The following ITSN1 variants were observed in gnomAD, a reference collection of about 807,000 sequenced individuals.
ITSN1 encodes the protein intersectin 1.
A neutral mutation model predicts 239.8 loss-of-function variants in ITSN1; 58 were observed. The ratio of observed to expected loss-of-function variants is 0.24; its 90% CI spans 0.20 to 0.30. ITSN1 has a LOEUF of 0.30. Among genes scored for constraint, ITSN1 ranks in the 10% least tolerant of loss-of-function variants. The probability of loss-of-function intolerance (pLI) is 1.00; values close to 1 mark genes in which losing one functional copy is unlikely to be tolerated. For synonymous variants in ITSN1, 780 were observed against 770.8 expected (o/e 1.01, Z -0.20); for missense variants, 1,558 against 2,103.3 (o/e 0.74, Z 5.07).
chr21:33,669,266 A>G (rs1032026900), intron 1 of ITSN1, among the ~76,000 whole-genome samples: 1 of 151,632 alleles, frequency 6.6e-6, no homozygotes, highest in African/African-American at 2.4e-5. Context: ...TATTTTTAGT[A>G]GAGATGGGGT....
At position 33,739,000 on chromosome 21, in the gene ITSN1, G is replaced by T. The variant is rs1180761301; in HGVS notation, c.346+3796G>T. On this transcript the variant is annotated intron_variant, in intron 5 of 39. Transcript: ENST00000381318. The stretch of plus-strand genomic sequence containing the variant: ...TTTATAGATAGAGTCTTGCTCTTTT[G>T]CCCAGGCTGGTCTCAAACTCCTAAT... Among the ~76,000 whole-genome samples, 5 of 152,152 alleles carry T rather than the reference G, an allele frequency of 3.3e-5. No homozygotes were observed. In the South Asian group the frequency reaches 8.3e-4, roughly 25 times the overall value.
At chr21:33,731,757 G>A (rs1298405655) in intron 4 of ITSN1, among the ~76,000 whole-genome samples, 1 of 152,180 alleles carries the variant, frequency 6.6e-6, no homozygotes, top group Non-Finnish European at 1.5e-5. Flanking sequence ...GAAAAATACA[G>A]TAACCATTTC....
At chr21:33,852,613 G>A (rs761414455) in intron 29 of ITSN1, among the ~76,000 whole-genome samples, 2 of 151,892 alleles carry the variant, frequency 1.3e-5, no homozygotes, top group South Asian at 2.1e-4. Context: ...TCTCCATTTC[G>A]TAAATGTGTC....
intron 4 of ITSN1, among the ~76,000 whole-genome samples, chr21:33,727,101 A>T (rs570251092): frequency 1.3e-5 from 2 of 152,188 alleles, no homozygotes; most frequent in Admixed American, 1.3e-4. Flanking sequence ...TTCTCGGAGG[A>T]TGGAGTCAAG....
chr21:33,799,025 A>G (rs559094410), intron 18 of ITSN1, among the ~76,000 whole-genome samples: 2 of 152,304 alleles, frequency 1.3e-5, no homozygotes, highest in Non-Finnish European at 1.5e-5. Flanking sequence ...GTTCAAAATC[A>G]TGTGGAGATA....
intron 1 of ITSN1, among the ~76,000 whole-genome samples, chr21:33,662,220 G>A (rs2089612602): frequency 1.3e-5 from 2 of 151,968 alleles, no homozygotes; most frequent in Middle Eastern, 3.4e-3. Flanking sequence ...GGCCTAACTG[G>A]GTGTTACTGA....
rs777766070 is a variant in ITSN1, at chr21:33,735,158, T to C, written c.300T>C (p.Pro100=). 1.2e-6 allele frequency: 2 copies of C among 1,613,780 alleles called. No individual in the cohort carries two copies. The highest frequency in any genetic ancestry group is 1.7e-5 in the Admixed American group (1 of 59,994). ...QGYQLPSALP[P]VMKQQPVAIS... is the part of the protein sequence containing the mutation. ...ATCAGCTACCCTCTGCACTTCCCCC[T>C]GTCATGAAACAGCAACCAGTTGCTA... The change falls in exon 5 of 40, where the codon CCT becomes CCC. Residue 100 remains proline, a synonymous_variant. Coordinates refer to ENST00000381318, the MANE Select transcript of ITSN1 (RefSeq NM_003024.3).
intron 14 of ITSN1, among the ~76,000 whole-genome samples, chr21:33,779,312 T>C (rs1432859366): frequency 3.3e-5 from 5 of 152,218 alleles, no homozygotes; most frequent in Non-Finnish European, 7.3e-5. Context: ...CATTTTAAGC[T>C]TTAAATGTCC....
intron 1 of ITSN1, among the ~76,000 whole-genome samples, chr21:33,661,636 C>T (rs2089563217): frequency 6.6e-6 from 1 of 152,232 alleles, no homozygotes; most frequent in African/African-American, 2.4e-5. Flanking sequence ...ACCCAAATCT[C>T]ATCTTGAAAT....
At chr21:33,664,701 C>T (rs756722334) in intron 1 of ITSN1, among the ~76,000 whole-genome samples, 23 of 152,176 alleles carry the variant, frequency 1.5e-4, no homozygotes, top group South Asian at 8.3e-4. Context: ...GTTAAAACAG[C>T]GCAGTGCCTC....
rs375348566 is a variant in ITSN1 at position 33,745,538 on chromosome 21, T to C, written c.347-4605T>C. 1.3e-4 allele frequency among the ~76,000 whole-genome samples: 20 copies of C among 152,328 alleles called. 1 individual carries two copies. The highest frequency in any genetic ancestry group is 1.0e-3 in the Admixed American group (16 of 15,292). Reference sequence around the variant, plus strand: ...GCCTGAAAAGCTGCTGAGCTTCAGATATGAAGCAGAAGTCTGTTGCATTCT... The same window carrying C: ...GCCTGAAAAGCTGCTGAGCTTCAGACATGAAGCAGAAGTCTGTTGCATTCT... On this transcript the variant is annotated intron_variant, in intron 5 of 39. Transcript: ENST00000381318.
intron 1 of ITSN1, among the ~76,000 whole-genome samples, chr21:33,705,720 T>TG (rs897861815): frequency 2.0e-5 from 3 of 152,180 alleles, no homozygotes; most frequent in Non-Finnish European, 2.9e-5. Flanking sequence ...AATTCTCTTT[T>TG]TAACATTTGA....
rs1177099857 is a variant in ITSN1 at position 33,892,751 on chromosome 21, G to A, written c.*4451G>A. Reference sequence around the variant, plus strand: ...GGACGTTCAATGCTTGATCAAATGGGGGGCATTTTCTTTCTTTCTTTTTTT... The same window carrying A: ...GGACGTTCAATGCTTGATCAAATGGAGGGCATTTTCTTTCTTTCTTTTTTT... On this transcript the variant is annotated 3_prime_UTR_variant, in exon 40 of 40. Coordinates refer to ENST00000381318, the MANE Select transcript of ITSN1 (RefSeq NM_003024.3). 1 of 152,166 alleles carries A rather than the reference G, an allele frequency of 6.6e-6. No individual in the cohort carries two copies. Among genetic ancestry groups the A allele is most frequent in the African/African-American group, 2.4e-5 (1 of 41,406 alleles). 9.4% of individuals were successfully genotyped at this position (152,166 alleles called of 1,614,324 possible).
chr21:33,765,742 T>C, intron 9 of ITSN1, 133 bp from the exon 10 acceptor site: 2 of 839,990 alleles, frequency 2.4e-6, no homozygotes, highest in East Asian at 5.2e-5. Flanking sequence ...AGGTACTATT[T>C]TGACAAAATG....
rs1271040492 is a variant in ITSN1 at position 33,883,460 on chromosome 21, C to T, written c.4555-90C>T. The stretch of plus-strand genomic sequence containing the variant: ...ACTTGCAGTCTCGTTTACTAGAACA[C>T]ATTGGCATAAGTGTGCTCACACACT... On this transcript the variant is annotated intron_variant, in intron 35 of 39. Coordinates refer to ENST00000381318, the MANE Select transcript of ITSN1 (RefSeq NM_003024.3). The T allele has an allele frequency of 3.9e-6, 6 of 1,547,674 alleles. No individual in the cohort carries two copies. In the African/African-American group the frequency reaches 4.1e-5, roughly 11 times the overall value.
intron 1 of ITSN1, among the ~76,000 whole-genome samples, chr21:33,659,871 C>T (rs1190331190): frequency 6.6e-6 from 1 of 151,688 alleles, no homozygotes; most frequent in East Asian, 1.9e-4. Flanking sequence ...AGTTGTACAC[C>T]ACCACACCTG....
intron 39 of ITSN1, 43 bp downstream of exon 39, chr21:33,886,503 A>C: frequency 1.3e-6 from 2 of 1,482,386 alleles, no homozygotes; most frequent in Non-Finnish European, 1.8e-6. Context: ...CTTCCCTGGC[A>C]CTCGTTTGCG....
intron 1 of ITSN1, among the ~76,000 whole-genome samples, chr21:33,656,085 C>T (rs1007419423): frequency 6.6e-6 from 1 of 152,148 alleles, no homozygotes; most frequent in African/African-American, 2.4e-5. Flanking sequence ...AATGTAGTGA[C>T]TCACATACCT....
intron 1 of ITSN1, among the ~76,000 whole-genome samples, chr21:33,696,741 T>C (rs901528575): frequency 2.0e-5 from 3 of 152,206 alleles, no homozygotes; most frequent in Non-Finnish European, 4.4e-5. Context: ...TATGGTGTTA[T>C]TTTACACAGT....
Sources: gnomAD v4.1 joint callset for allele counts (sites outside exome capture counted in the v4.1 genomes callset) on GRCh38, gnomAD v4.1.1 for gene constraint, MANE v1.5 for transcripts, NCBI Gene and HGNC (gene_info 2026-07-23, HGNC 2026-07-21) for gene names.